The following BTN3A3 variants were observed in gnomAD, a reference collection of about 807,000 sequenced individuals.
BTN3A3 encodes butyrophilin 3.
Under a neutral mutation model 43.2 loss-of-function variants are expected in BTN3A3, and 39 were observed. That is an observed-to-expected ratio of 0.90 (90% CI 0.70 to 1.18). The LOEUF (loss-of-function observed/expected upper bound fraction) is 1.18, where lower values mean the gene tolerates loss of function less well. Among genes scored for constraint, BTN3A3 ranks in the 50% most tolerant of loss-of-function variants. BTN3A3 has a pLI of 0.00. For synonymous variants in BTN3A3, 255 were observed against 272.7 expected, an observed-to-expected ratio of 0.93 and a Z score of 0.64; for missense variants, 631 against 722.8, an observed-to-expected ratio of 0.87 and a Z score of 1.46.
At chr6:26,450,543 C>T (rs17539358) in intron 10 of BTN3A3, among the ~76,000 whole-genome samples, 1,891 of 152,260 alleles carry the variant, frequency 0.012, 15 homozygotes, top group Non-Finnish European at 0.02. Flanking sequence ...TTAATGCTTC[C>T]GAGCTTTCGC....
intron 4 of BTN3A3, 92 bp downstream of exon 4, chr6:26,444,396 G>T: frequency 6.3e-7 from 1 of 1,592,486 alleles, no homozygotes; most frequent in South Asian, 1.1e-5. Flanking sequence ...AGACACTCCT[G>T]GCTGCTCACT....
chr6:26,443,972 T>A lies in BTN3A3; in HGVS notation c.101T>A (p.Leu34His). 1 of 1,613,930 alleles carries A rather than the reference T, an allele frequency of 6.2e-7. No individual in the cohort carries two copies. Among genetic ancestry groups the A allele is most frequent in the Non-Finnish European group, 8.5e-7 (1 of 1,179,832 alleles). The change falls in exon 4 of 11, where the codon CTT (leucine) becomes CAT (histidine). Residue 34 changes from leucine to histidine, a missense_variant. Physicochemically the swap from Leu to His is moderately conservative, Grantham distance 99. Transcript: ENST00000244519. ...LTPCSAQFSV[L>H]GPSGPILAMV... Reference sequence around the variant, plus strand: ...GTGCTGACAGCTCAGTTTTCTGTGCTTGGACCCTCTGGGCCCATCCTGGCC... The same window carrying A: ...GTGCTGACAGCTCAGTTTTCTGTGCATGGACCCTCTGGGCCCATCCTGGCC...
At chr6:26,444,448 C>A in intron 4 of BTN3A3, 144 bp downstream of exon 4, 1 of 1,302,512 alleles carries the variant, frequency 7.7e-7, no homozygotes, top group Non-Finnish European at 1.1e-6. Context: ...TTCTCTGCAA[C>A]CCTTAAGAAA....
In BTN3A3 at chr6:26,449,981, G is replaced by A. The variant is rs1006529127; in HGVS notation, c.992-126G>A. ...CCTCTGATCTATCAGAGCTGTAGAG[G>A]AAGGAAGCTGAAGCCTGGAAGAGAC... is the stretch of plus-strand genomic sequence containing the variant. On this transcript the variant is annotated intron_variant, in intron 9 of 10. Coordinates refer to ENST00000244519, the MANE Select transcript of BTN3A3 (RefSeq NM_006994.5). 5 of 1,153,516 alleles carry A rather than the reference G, an allele frequency of 4.3e-6. No homozygotes were observed. The African/African-American group carries it at 7.7e-5, about 18-fold the overall frequency. 71.5% of individuals were successfully genotyped at this position (1,153,516 alleles called of 1,614,324 possible). A position where few individuals can be genotyped will look rare whatever the true frequency, so the allele number is the denominator to read the frequency against.
intron 8 of BTN3A3, chr6:26,449,137 A>C (rs2113841791): frequency 4.2e-6 from 1 of 240,798 alleles, no homozygotes; most frequent in East Asian, 9.7e-5. Flanking sequence ...AAAGGAAAAC[A>C]AGAATGGAAG....
At chr6:26,445,500 T>C in intron 4 of BTN3A3, 2 of 614,740 alleles carry the variant, frequency 3.3e-6, no homozygotes, top group Non-Finnish European at 2.8e-6. Context: ...GTAATTGGGG[T>C]GGATGGGAAT....
intron 1 of BTN3A3, among the ~76,000 whole-genome samples, chr6:26,443,094 A>G (rs1762683179): frequency 6.6e-6 from 1 of 152,216 alleles, no homozygotes; most frequent in African/African-American, 2.4e-5. Context: ...AGCCTCTGCC[A>G]GGCAGTCTGC....
chr6:26,452,452 C>T lies in BTN3A3; in HGVS notation c.*41C>T, dbSNP rs748941263. On this transcript the variant is annotated 3_prime_UTR_variant, in exon 11 of 11. Coordinates refer to ENST00000244519, the MANE Select transcript of BTN3A3 (RefSeq NM_006994.5). The stretch of plus-strand genomic sequence containing the variant: ...TCCATATGACAGTTGTTTTGAGTTT[C>T]GTACCACCTTATTGTCCCCTTATAC... 30 of 1,511,588 alleles carry T rather than the reference C, an allele frequency of 2.0e-5. No individual in the cohort carries two copies. The highest frequency in any genetic ancestry group is 1.6e-4 in the Admixed American group (8 of 49,992). 93.6% of individuals were successfully genotyped at this position (1,511,588 alleles called of 1,614,324 possible).
At chr6:26,449,208 A>G (rs3846849) in intron 8 of BTN3A3, 34,424 of 207,114 alleles carry the variant, frequency 0.17, 3,117 homozygotes, top group South Asian at 0.21. Flanking sequence ...ATAAAGAGGA[A>G]TAGCTACAGT....
Position 26,451,793 on chromosome 6 carries a change from A to G in BTN3A3, c.1137A>G (p.Glu379=). ...TGCCAGACAACCCTGAGAGATTTGA[A>G]TGGCGTTACTGTGTCCTTGGCTGTG... ...RDLPDNPERF[E]WRYCVLGCEN... Residue 379 remains glutamate, a synonymous_variant, in exon 11 of 11, where the codon GAA becomes GAG. Coordinates refer to ENST00000244519, the MANE Select transcript of BTN3A3 (RefSeq NM_006994.5). The G allele has an allele frequency of 1.9e-6, 3 of 1,614,050 alleles. No individual in the cohort carries two copies. Among genetic ancestry groups the G allele is most frequent in the Non-Finnish European group, 2.5e-6 (3 of 1,179,892 alleles).
At chr6:26,445,622 TGTGA>T in intron 4 of BTN3A3, 78 bp from the exon 5 acceptor site, 1 of 1,480,392 alleles carries the variant, frequency 6.8e-7, no homozygotes, top group South Asian at 1.3e-5. Flanking sequence ...GATTATCAAA[TGTGA>T]GTCTGCCATT....
Position 26,451,998 on chromosome 6 carries a change from C to G in BTN3A3, c.1342C>G (p.Pro448Ala), listed in dbSNP as rs1762945132. The G allele has an allele frequency of 6.2e-7, 1 of 1,614,122 alleles. No individual in the cohort carries two copies. The change falls in exon 11 of 11, where the codon CCC becomes GCC. Residue 448 changes from proline to alanine, a missense_variant. Pro to Ala is a conservative substitution (Grantham distance 27, BLOSUM62 -1). This residue lies in a region of BTN3A3 where 551 missense variants were observed against 584.0 expected (regional missense o/e 0.94). Transcript: ENST00000244519. Reference protein sequence around the residue: ...DGNKYRALTEPRTNLKLPEPP... With the variant: ...DGNKYRALTEARTNLKLPEPP... ...GAATAAGTATCGGGCTCTCACTGAGCCCAGAACCAACCTGAAACTTCCTGA... is the reference window on the plus strand; with the variant it reads ...GAATAAGTATCGGGCTCTCACTGAGGCCAGAACCAACCTGAAACTTCCTGA...
chr6:26,440,891 C>G (rs1470407325), intron 1 of BTN3A3, among the ~76,000 whole-genome samples: 2 of 151,928 alleles, frequency 1.3e-5, no homozygotes, highest in Non-Finnish European at 1.5e-5. Context: ...GAATAAAGAC[C>G]TGCAGATATT....
intron 8 of BTN3A3, chr6:26,449,424 C>T: frequency 1.8e-6 from 1 of 568,154 alleles, no homozygotes; most frequent in South Asian, 2.2e-5. Flanking sequence ...AATAGATTAG[C>T]TGGACTCCAC....
Position 26,452,309 on chromosome 6 carries a change from A to G in BTN3A3, c.1653A>G (p.Val551=). The change falls in exon 11 of 11, where the codon GTA becomes GTG. Residue 551 remains valine, a synonymous_variant. Transcript: ENST00000244519. ...AAAGTGGGGAGCCTCAGGCTGAAGT[A>G]ACATCTCTGCTTCTCCCTGCCCACC... The part of the protein sequence containing the change: ...ANESGEPQAE[V]TSLLLPAHPG... The G allele has an allele frequency of 6.2e-7, 1 of 1,613,892 alleles. No individual in the cohort carries two copies. Among genetic ancestry groups the G allele is most frequent in the South Asian group, 1.1e-5 (1 of 91,086 alleles).
Position 26,444,199 on chromosome 6 carries a change from G to A in BTN3A3, c.328G>A (p.Ala110Thr), listed in dbSNP as rs1418646528. The part of the protein sequence containing the change: ...LRDGITAGKA[A>T]LRIHNVTASD... ...GGATGGCATCACTGCAGGGAAGGCT[G>A]CTCTCCGAATACACAACGTCACAGC... The change falls in exon 4 of 11, where the codon GCT (alanine) becomes ACT (threonine). Residue 110 changes from alanine (A) to threonine (T), a missense_variant. Physicochemically the swap from Ala to Thr is moderately conservative, Grantham distance 58. Coordinates refer to ENST00000244519, the MANE Select transcript of BTN3A3 (RefSeq NM_006994.5). The A allele has an allele frequency of 6.2e-7, 1 of 1,611,932 alleles. No individual in the cohort carries two copies. Among genetic ancestry groups the A allele is most frequent in the Non-Finnish European group, 8.5e-7 (1 of 1,179,874 alleles).
chr6:26,441,552 A>G (rs1762637131), intron 1 of BTN3A3, among the ~76,000 whole-genome samples: 1 of 151,790 alleles, frequency 6.6e-6, no homozygotes. Flanking sequence ...GGTAAAGCAT[A>G]CAACTTTTTT....
At position 26,452,641 on chromosome 6, in the gene BTN3A3, C is replaced by A. The variant is rs1581661352; in HGVS notation, c.*230C>A. Reference sequence around the variant, plus strand: ...CTTTGGTGGATGTCACTCCTTTAATCCTCACAACACCCTGTCGGGTAGTCA... The same window carrying A: ...CTTTGGTGGATGTCACTCCTTTAATACTCACAACACCCTGTCGGGTAGTCA... On this transcript the variant is annotated 3_prime_UTR_variant, in exon 11 of 11. Coordinates refer to ENST00000244519, the MANE Select transcript of BTN3A3 (RefSeq NM_006994.5). 4 of 501,850 alleles carry A rather than the reference C, an allele frequency of 8.0e-6. No individual in the cohort carries two copies. The highest frequency in any genetic ancestry group is 6.1e-5 in the South Asian group (2 of 33,046). The allele number at this position is 501,850 out of a possible 1,614,324, so 31.1% of individuals were successfully genotyped here. A position where few individuals can be genotyped will look rare whatever the true frequency, so the allele number is the denominator to read the frequency against.
In BTN3A3 at chr6:26,444,139, A is replaced by T. The variant is rs760638004; in HGVS notation, c.268A>T (p.Ser90Cys). 1 of 1,612,872 alleles carries T rather than the reference A, an allele frequency of 6.2e-7. No homozygotes were observed. The highest frequency in any genetic ancestry group is 8.5e-7 in the Non-Finnish European group (1 of 1,179,874). The change falls in exon 4 of 11, where the codon AGT becomes TGT. Residue 90 changes from serine to cysteine, a missense_variant. Ser to Cys is a moderately radical substitution (Grantham distance 112). This residue lies in a region of BTN3A3 where 80 missense variants were observed against 138.7 expected (regional missense o/e 0.58). Transcript: ENST00000244519. ...TGGAAAGGAAGTGGAAGACAGGCAG[A>T]GTGCACCGTATCGAGGGAGAACTTC... ...ADGKEVEDRQ[S>C]APYRGRTSIL... is the part of the protein sequence containing the mutation.
Sources: gnomAD v4.1 joint callset for allele counts (sites outside exome capture counted in the v4.1 genomes callset) on GRCh38, gnomAD v4.1.1 for gene constraint, gnomAD v4.1.1 regional missense constraint, MANE v1.5 for transcripts, NCBI Gene and HGNC (gene_info 2026-07-23, HGNC 2026-07-21) for gene names.